Variants in HAPSTR1 observed in about 807,000 individuals in gnomAD.
HAPSTR1 encodes the protein HUWE1 associated protein modifying stress responses, also known as HUWE1-associated protein modifying stress responses 1.
the HAPSTR1 span, among the ~76,000 whole-genome samples, chr16:9,114,936 C>T: frequency 2.0e-5 from 3 of 152,134 alleles, no homozygotes; most frequent in African/African-American, 7.2e-5. Flanking sequence ...AGGTGCTAGC[C>T]TTGGAAAGGT....
the HAPSTR1 span, chr16:9,116,538 T>G: frequency 8.3e-7 from 1 of 1,201,562 alleles, no homozygotes; most frequent in Non-Finnish European, 1.2e-6. Flanking sequence ...ACTTAATTGC[T>G]TACTAGTAAT....
chr16:9,121,392 C>T, the HAPSTR1 span: 1 of 152,224 alleles, frequency 6.6e-6, no homozygotes, highest in Non-Finnish European at 1.5e-5. Context: ...AAAGTAAGAG[C>T]GCCTGTTCCC....
chr16:9,114,850 A>G, the HAPSTR1 span, among the ~76,000 whole-genome samples: 11 of 152,240 alleles, frequency 7.2e-5, no homozygotes, highest in African/African-American at 2.2e-4. Context: ...TGGAGATATT[A>G]TAGGTGTCAT....
the HAPSTR1 span, chr16:9,108,059 G>C: frequency 6.6e-6 from 1 of 152,020 alleles, no homozygotes; most frequent in Non-Finnish European, 1.5e-5. Context: ...GTTTGCCTAG[G>C]GTGCTACATG....
the HAPSTR1 span, chr16:9,093,066 G>A: frequency 6.8e-7 from 1 of 1,466,128 alleles, no homozygotes; most frequent in Non-Finnish European, 9.4e-7. Flanking sequence ...TGTCTGCCCT[G>A]CGTTCCAAGT....
the HAPSTR1 span, among the ~76,000 whole-genome samples, chr16:9,100,928 T>G: frequency 6.6e-6 from 1 of 152,212 alleles, no homozygotes; most frequent in South Asian, 2.1e-4. Flanking sequence ...TCTGCAGGGC[T>G]GGGCTTACCT....
At chr16:9,112,664 C>T in the HAPSTR1 span, 1 of 152,218 alleles carries the variant, frequency 6.6e-6, no homozygotes, top group African/African-American at 2.4e-5. Context: ...ACAGGATTTT[C>T]TTATTGCCTA....
chr16:9,121,612 G>C, the HAPSTR1 span: 2 of 152,150 alleles, frequency 1.3e-5, no homozygotes, highest in Non-Finnish European at 2.9e-5. Flanking sequence ...AGAAAACATA[G>C]AAAAATAAAT....
chr16:9,103,379 C>CT, the HAPSTR1 span: 6 of 1,066,480 alleles, frequency 5.6e-6, no homozygotes, highest in Non-Finnish European at 7.9e-6. Flanking sequence ...AAACAGCTTG[C>CT]TCTAGAAATG....
the HAPSTR1 span, chr16:9,111,904 A>G: frequency 3.8e-5 from 3 of 78,744 alleles, no homozygotes; most frequent in Non-Finnish European, 6.8e-5. Flanking sequence ...TACTGCATAT[A>G]TGATTACTGT....
chr16:9,103,419 A>G, the HAPSTR1 span: 10 of 741,722 alleles, frequency 1.3e-5, no homozygotes, highest in Non-Finnish European at 2.1e-5. Flanking sequence ...AGAACTTAAT[A>G]TGGGCGATTT....
chr16:9,093,682 G>C, the HAPSTR1 span, among the ~76,000 whole-genome samples: 2 of 152,162 alleles, frequency 1.3e-5, no homozygotes, highest in Non-Finnish European at 2.9e-5. Context: ...TGAGTCCATA[G>C]GTTTGTTTTA....
the HAPSTR1 span, among the ~76,000 whole-genome samples, chr16:9,092,562 C>G: frequency 0.91 from 138,014 of 152,166 alleles, 62,770 homozygotes; most frequent in African/African-American, 0.98. Flanking sequence ...GGCCCGGAGA[C>G]GGGAGAGGAG....
At chr16:9,112,991 G>A in the HAPSTR1 span, 1 of 149,008 alleles carries the variant, frequency 6.7e-6, no homozygotes. Context: ...TATGCCCTCA[G>A]GACGTACAAC....
At chr16:9,102,081 C>T in the HAPSTR1 span, among the ~76,000 whole-genome samples, 3 of 152,214 alleles carry the variant, frequency 2.0e-5, no homozygotes, top group Admixed American at 6.5e-5. Context: ...CATCGCACTA[C>T]AGCCTGGGCA....
the HAPSTR1 span, among the ~76,000 whole-genome samples, chr16:9,115,367 G>A: frequency 6.6e-6 from 1 of 152,126 alleles, no homozygotes; most frequent in East Asian, 1.9e-4. Context: ...TTAATTGATA[G>A]TCAAGCAATA....
the HAPSTR1 span, chr16:9,092,796 C>A: frequency 4.8e-6 from 5 of 1,042,404 alleles, no homozygotes; most frequent in East Asian, 2.6e-5. Flanking sequence ...AACAAAATGG[C>A]GAAACCTAAT....
the HAPSTR1 span, among the ~76,000 whole-genome samples, chr16:9,114,001 G>T: frequency 2.6e-5 from 4 of 152,220 alleles, no homozygotes; most frequent in Non-Finnish European, 5.9e-5. Flanking sequence ...TTCAGAATTC[G>T]TAAGTGCCAG....
the HAPSTR1 span, among the ~76,000 whole-genome samples, chr16:9,114,564 T>G: frequency 6.6e-6 from 1 of 152,058 alleles, no homozygotes; most frequent in South Asian, 2.1e-4. Flanking sequence ...AGCTGCAAAT[T>G]GCATGATGTT....
Sources: allele counts gnomAD v4.1 joint callset (sites outside exome capture counted in the v4.1 genomes callset), GRCh38; gene constraint gnomAD v4.1.1; transcripts MANE v1.5; gene names NCBI Gene and HGNC (gene_info 2026-07-23, HGNC 2026-07-21).